CLEC4C: variants seen among roughly 807,000 people sequenced by gnomAD.
CLEC4C encodes the protein C-type lectin domain family 4 member C.
A neutral mutation model predicts 27.7 loss-of-function variants in CLEC4C; 17 were observed. The observed-to-expected ratio is 0.61, with a 90% CI of 0.42 to 0.92. The LOEUF is 0.92. CLEC4C is among the 40% of genes least tolerant of loss of function. The pLI is 0.00. For synonymous variants in CLEC4C, 80 were observed against 80.8 expected, an observed-to-expected ratio of 0.99 and a Z score of 0.06; for missense variants, 244 against 257.3, an observed-to-expected ratio of 0.95 and a Z score of 0.35.
chr12:7,748,476 A>G (rs757052370), upstream of CLEC4C, among the ~76,000 whole-genome samples: 1 of 152,218 alleles, frequency 6.6e-6, no homozygotes, highest in East Asian at 1.9e-4. Context: ...CAGTGAGCCG[A>G]GATCGTGCCA....
rs1297644703 is a variant in CLEC4C at position 7,729,440 on chromosome 12, G to A, written c.*156C>T. 1.7e-6 allele frequency: 1 copy of A among 574,884 alleles called. No homozygotes were observed. Among genetic ancestry groups the A allele is most frequent in the Non-Finnish European group, 3.0e-6 (1 of 336,204 alleles). The allele number at this position is 574,884 out of a possible 1,614,324, so 35.6% of individuals were successfully genotyped here. On this transcript the variant is annotated 3_prime_UTR_variant, in exon 6 of 6. Transcript: ENST00000360345. Reference sequence around the variant, plus strand: ...AATGAATAAATGAATAAATGAATGTGTGAATGGATTATATCATAAGTGTAA... The same window carrying A: ...AATGAATAAATGAATAAATGAATGTATGAATGGATTATATCATAAGTGTAA...
chr12:7,745,424 CTTTTTTTTTTTTTTT>C (rs140956970), intron 2 of CLEC4C, among the ~76,000 whole-genome samples: 1 of 48,180 alleles, frequency 2.1e-5, no homozygotes, highest in Non-Finnish European at 3.4e-5. Flanking sequence ...TCAGTCTATG[CTTTTTTTTTTTTTTT>C]TTTTTTTTTT....
At chr12:7,739,370 C>T (rs1436431031) in intron 3 of CLEC4C, among the ~76,000 whole-genome samples, 1 of 152,008 alleles carries the variant, frequency 6.6e-6, no homozygotes, top group Non-Finnish European at 1.5e-5. Flanking sequence ...CTCGGCCTCC[C>T]AAAGTGCTGG....
Position 7,747,363 on chromosome 12 carries a change from C to G in CLEC4C, c.-15G>C. 6.2e-7 allele frequency: 1 copy of G among 1,613,918 alleles called. No homozygotes were observed. Among genetic ancestry groups the G allele is most frequent in the African/African-American group, 1.3e-5 (1 of 74,988 alleles). On this transcript the variant is annotated 5_prime_UTR_variant, in exon 1 of 6. Transcript: ENST00000360345. Reference sequence around the variant, plus strand: ...TCAGGCACCATTGTGTGTGCGCACACCCTTTGGACTTCCTCTATCAGGTGG... The same window carrying G: ...TCAGGCACCATTGTGTGTGCGCACAGCCTTTGGACTTCCTCTATCAGGTGG...
At chr12:7,746,281 G>A (rs774103325) in intron 2 of CLEC4C, 50 bp downstream of exon 2, 1 of 975,764 alleles carries the variant, frequency 1.0e-6, no homozygotes, top group South Asian at 1.4e-5. Flanking sequence ...TTGATAAAAT[G>A]TGATTGGGAA....
intron 3 of CLEC4C, 42 bp from the exon 4 acceptor site, chr12:7,737,616 A>G (rs754241722): frequency 1.1e-5 from 17 of 1,565,798 alleles, no homozygotes; most frequent in Non-Finnish European, 1.4e-5. Flanking sequence ...ATTAACAGAG[A>G]ATTCTCCTCA....
chr12:7,747,516 C>T (rs2120453760), upstream of CLEC4C: 2 of 587,562 alleles, frequency 3.4e-6, no homozygotes, highest in East Asian at 2.7e-5. Flanking sequence ...TTAGGAGACT[C>T]TGCAGTGAGC....
upstream of CLEC4C, chr12:7,749,458 G>A (rs1225249284): frequency 6.6e-6 from 1 of 151,936 alleles, no homozygotes; most frequent in Non-Finnish European, 1.5e-5. Context: ...AGGAGGCTGA[G>A]GCACGAGAAT....
rs1864758217 is a variant in CLEC4C at position 7,737,586 on chromosome 12, A to C, written c.236-12T>G. ...GCAGCAGCTCCAATCTTCCCAAATG[A>C]GTATAGAAGAAGAAAAAATATTAAC... On this transcript the variant is annotated splice_polypyrimidine_tract_variant and intron_variant, in intron 3 of 5. Transcript: ENST00000360345. 2 of 1,602,884 alleles carry C rather than the reference A, an allele frequency of 1.2e-6. No individual in the cohort carries two copies. Among genetic ancestry groups the C allele is most frequent in the Admixed American group, 1.7e-5 (1 of 57,460 alleles).
chr12:7,730,555 A>C (rs1033877235), intron 5 of CLEC4C, among the ~76,000 whole-genome samples: 6 of 151,520 alleles, frequency 4.0e-5, no homozygotes, highest in African/African-American at 1.5e-4. Context: ...CAGGAGAATC[A>C]CTTGAACCCA....
At chr12:7,743,147 T>A (rs1436812441) in intron 2 of CLEC4C, among the ~76,000 whole-genome samples, 1 of 152,182 alleles carries the variant, frequency 6.6e-6, no homozygotes, top group East Asian at 1.9e-4. Flanking sequence ...ATTTGTTGAC[T>A]TACTAGGTAA....
At chr12:7,739,632 A>G (rs1318010772) in intron 3 of CLEC4C, among the ~76,000 whole-genome samples, 5 of 152,064 alleles carry the variant, frequency 3.3e-5, no homozygotes, top group African/African-American at 1.2e-4. Context: ...ACTCTAGGCC[A>G]TATTTCATGG....
At chr12:7,742,184 A>AAAT (rs1555105685) in intron 2 of CLEC4C, among the ~76,000 whole-genome samples, 6 of 151,226 alleles carry the variant, frequency 4.0e-5, no homozygotes, top group African/African-American at 1.2e-4. Context: ...CCATCTCAAA[A>AAAT]AAATAAATAA....
At chr12:7,748,021 G>T (rs1865024018), upstream of CLEC4C, among the ~76,000 whole-genome samples, 1 of 150,368 alleles carries the variant, frequency 6.7e-6, no homozygotes, top group African/African-American at 2.4e-5. Context: ...GCCTCCCAAA[G>T]TCCTGGGGTT....
intron 2 of CLEC4C, among the ~76,000 whole-genome samples, chr12:7,745,207 G>C (rs768949365): frequency 1.3e-5 from 2 of 151,810 alleles, no homozygotes; most frequent in African/African-American, 2.4e-5. Context: ...GAGGTTATGA[G>C]GGGGGGCTCT....
rs762505849 is a variant in CLEC4C at position 7,737,591 on chromosome 12, A to C, written c.236-17T>G. The C allele has an allele frequency of 6.2e-7, 1 of 1,602,932 alleles. No individual in the cohort carries two copies. The highest frequency in any genetic ancestry group is 8.5e-7 in the Non-Finnish European group (1 of 1,175,652). On this transcript the variant is annotated splice_polypyrimidine_tract_variant and intron_variant, in intron 3 of 5. Coordinates refer to ENST00000360345, the MANE Select transcript of CLEC4C (RefSeq NM_001371390.1). Reference sequence around the variant, plus strand: ...AGCTCCAATCTTCCCAAATGAGTATAGAAGAAGAAAAAATATTAACAGAGA... The same window carrying C: ...AGCTCCAATCTTCCCAAATGAGTATCGAAGAAGAAAAAATATTAACAGAGA...
rs768388926 is a variant in CLEC4C, at chr12:7,734,411, T to C, written c.381+3018A>G. Among the ~76,000 whole-genome samples, 7 of 152,296 alleles carry C rather than the reference T, an allele frequency of 4.6e-5. No individual in the cohort carries two copies. In the South Asian group the frequency reaches 1.2e-3, roughly 27 times the overall value. ...AGTAAATCAGACCTCATATAGATTA[T>C]GATCTGGCTTTGAATCATTTGGATA... is the stretch of plus-strand genomic sequence containing the variant. On this transcript the variant is annotated intron_variant, in intron 4 of 5. Transcript: ENST00000360345.
chr12:7,738,034 C>A, intron 3 of CLEC4C, among the ~76,000 whole-genome samples: 1 of 152,288 alleles, frequency 6.6e-6, no homozygotes, highest in South Asian at 2.1e-4. Context: ...AGGTTCTCAT[C>A]ATTCATTGGT....
chr12:7,743,999 G>A (rs1864918823), intron 2 of CLEC4C, among the ~76,000 whole-genome samples: 1 of 152,136 alleles, frequency 6.6e-6, no homozygotes, highest in East Asian at 1.9e-4. Flanking sequence ...GCAAGAGAGG[G>A]TGCAAGAGAG....
Sources: allele counts gnomAD v4.1 joint callset (sites outside exome capture counted in the v4.1 genomes callset), GRCh38; gene constraint gnomAD v4.1.1; transcripts MANE v1.5; gene names NCBI Gene and HGNC (gene_info 2026-07-23, HGNC 2026-07-21).